GDPD4: variants seen among roughly 807,000 people sequenced by gnomAD.
GDPD4 encodes glycerophosphodiester phosphodiesterase 6.
In GDPD4, 60 loss-of-function variants were observed where a neutral mutation model predicts 67.8. The ratio of observed to expected loss-of-function variants is 0.88; its 90% confidence interval spans 0.72 to 1.10. GDPD4 has a LOEUF of 1.10. Ranked by LOEUF, GDPD4 falls within the 50% of genes least tolerant of loss-of-function variation. GDPD4 has a pLI of 0.00. For missense variants in GDPD4, 623 were observed against 613.9 expected, an observed-to-expected ratio of 1.01 and a Z score of -0.16; for synonymous variants, 212 against 210.9, an observed-to-expected ratio of 1.00 and a Z score of -0.04.
At chr11:77,292,085 C>T (rs999060563) in intron 1 of GDPD4, among the ~76,000 whole-genome samples, 17 of 151,728 alleles carry the variant, frequency 1.1e-4, no homozygotes, top group African/African-American at 3.9e-4. Flanking sequence ...TCTGATCATA[C>T]ACATTTTCAA....
intron 11 of GDPD4, among the ~76,000 whole-genome samples, chr11:77,255,035 T>C (rs948520685): frequency 4.0e-5 from 6 of 150,860 alleles, no homozygotes; most frequent in African/African-American, 1.5e-4. Flanking sequence ...AACCTAAAGA[T>C]AAAGTCTCCA....
In GDPD4 at chr11:77,223,026, T is replaced by C. The variant is rs1042526913; in HGVS notation, c.1525+4838A>G. Among the ~76,000 whole-genome samples the C allele has an allele frequency of 5.5e-4, 83 of 152,226 alleles. 1 individual carries two copies. The highest frequency in any genetic ancestry group is 2.8e-3 in the Admixed American group (43 of 15,280). On this transcript the variant is annotated intron_variant, in intron 16 of 16. Coordinates refer to ENST00000315938, the MANE Select transcript of GDPD4 (RefSeq NM_182833.3). The stretch of plus-strand genomic sequence containing the variant: ...CTTGATCAAATCAGCTACTGAAGCT[T>C]GTGCATGTGTCACGTAGTTCTCATG...
intron 10 of GDPD4, among the ~76,000 whole-genome samples, chr11:77,263,700 T>C (rs1263037347): frequency 6.6e-6 from 1 of 152,228 alleles, no homozygotes; most frequent in Non-Finnish European, 1.5e-5. Flanking sequence ...ATAGTATTAC[T>C]GATTTTTCCT....
intron 10 of GDPD4, among the ~76,000 whole-genome samples, chr11:77,262,047 T>G (rs944947624): frequency 6.6e-6 from 1 of 152,174 alleles, no homozygotes; most frequent in Non-Finnish European, 1.5e-5. Context: ...TACCACAGAT[T>G]CCCCTTAAAT....
intron 16 of GDPD4, among the ~76,000 whole-genome samples, chr11:77,222,257 T>C: frequency 6.6e-6 from 1 of 152,258 alleles, no homozygotes; most frequent in Non-Finnish European, 1.5e-5. Context: ...AATTTAATGC[T>C]GTCATTATGA....
At chr11:77,244,014 C>CTTTGT (rs1015970732) in intron 12 of GDPD4, among the ~76,000 whole-genome samples, 166 bp from the exon 13 acceptor site, 2 of 151,946 alleles carry the variant, frequency 1.3e-5, no homozygotes, top group Non-Finnish European at 2.9e-5. Flanking sequence ...CTAGTATTTT[C>CTTTGT]TTTGTTTTGT....
intron 16 of GDPD4, among the ~76,000 whole-genome samples, chr11:77,225,834 TCTC>T (rs1032956491): frequency 3.3e-5 from 5 of 152,120 alleles, no homozygotes; most frequent in African/African-American, 7.2e-5. Context: ...GAGGCTCCAT[TCTC>T]CTCAACTTTA....
chr11:77,295,849 A>C (rs1027206301), intron 1 of GDPD4, among the ~76,000 whole-genome samples: 2 of 152,164 alleles, frequency 1.3e-5, no homozygotes, highest in Admixed American at 1.3e-4. Context: ...TGGGAGAAAA[A>C]CTGTCCTATA....
chr11:77,269,168 C>A, intron 8 of GDPD4, 99 bp from the exon 9 acceptor site: 11 of 1,003,514 alleles, frequency 1.1e-5, no homozygotes, highest in Non-Finnish European at 1.5e-5. Flanking sequence ...ACCCACAGTC[C>A]ATGGGTTTCA....
chr11:77,265,902 C>A (rs747803671), intron 10 of GDPD4, among the ~76,000 whole-genome samples: 22 of 152,136 alleles, frequency 1.4e-4, no homozygotes, highest in Non-Finnish European at 8.8e-5. Context: ...CAAATGGAAT[C>A]ATACAGTATA....
intron 5 of GDPD4, among the ~76,000 whole-genome samples, chr11:77,272,757 C>T (rs1339022680): frequency 1.3e-5 from 2 of 150,334 alleles, no homozygotes; most frequent in Non-Finnish European, 2.9e-5. Flanking sequence ...GCCTGAGCAA[C>T]GGAGTGAGAC....
At chr11:77,257,394 A>T (rs897936449) in intron 11 of GDPD4, among the ~76,000 whole-genome samples, 1 of 152,148 alleles carries the variant, frequency 6.6e-6, no homozygotes, top group Non-Finnish European at 1.5e-5. Context: ...CCACTTAAAA[A>T]CACTCAAGGA....
chr11:77,243,604 T>C, intron 13 of GDPD4, 90 bp downstream of exon 13: 1 of 1,118,906 alleles, frequency 8.9e-7, no homozygotes, highest in Non-Finnish European at 1.3e-6. Context: ...AATTCCGAGA[T>C]GGAAAGGGGA....
intron 16 of GDPD4, 137 bp downstream of exon 16, chr11:77,227,727 C>T (rs1958370293): frequency 3.0e-6 from 2 of 674,688 alleles, no homozygotes; most frequent in South Asian, 3.3e-5. Context: ...TATACTTCCC[C>T]TGGTCCCTCC....
chr11:77,249,062 C>T (rs1237216316), intron 11 of GDPD4, among the ~76,000 whole-genome samples: 3 of 151,426 alleles, frequency 2.0e-5, no homozygotes, highest in African/African-American at 4.8e-5. Context: ...GTCAAGAGAT[C>T]GAGACCATCC....
In GDPD4 at chr11:77,253,001, G is replaced by A. The variant is rs111832942; in HGVS notation, c.864+5385C>T. 3.3e-3 allele frequency among the ~76,000 whole-genome samples: 509 copies of A among 152,270 alleles called. 1 individual carries two copies. The highest frequency in any genetic ancestry group is 0.011 in the African/African-American group (473 of 41,558). On this transcript the variant is annotated intron_variant, in intron 11 of 16. Coordinates refer to ENST00000315938, the MANE Select transcript of GDPD4 (RefSeq NM_182833.3). Reference sequence around the variant, plus strand: ...CAACTGCCATGGTGCTGGATTCCAGGTGCAAATGTTTACATTGGCAGAGTC... The same window carrying A: ...CAACTGCCATGGTGCTGGATTCCAGATGCAAATGTTTACATTGGCAGAGTC...
chr11:77,227,379 A>T (rs1195321770), intron 16 of GDPD4, among the ~76,000 whole-genome samples: 2 of 152,118 alleles, frequency 1.3e-5, no homozygotes, highest in Non-Finnish European at 2.9e-5. Context: ...GATACCCATA[A>T]AGCACCTTCC....
At position 77,293,057 on chromosome 11, in the gene GDPD4, A is replaced by G. The variant is rs113378918; in HGVS notation, c.-253-5637T>C. 2.4e-3 allele frequency among the ~76,000 whole-genome samples: 362 copies of G among 152,344 alleles called. 1 individual carries two copies. The highest frequency in any genetic ancestry group is 8.0e-3 in the African/African-American group (331 of 41,584). Reference sequence around the variant, plus strand: ...CGGGTTCACTGGTGAATTCTACCAAACATCTATGGAAGAAATAATACCAAT... The same window carrying G: ...CGGGTTCACTGGTGAATTCTACCAAGCATCTATGGAAGAAATAATACCAAT... On this transcript the variant is annotated intron_variant, in intron 1 of 16. Coordinates refer to ENST00000315938, the MANE Select transcript of GDPD4 (RefSeq NM_182833.3).
chr11:77,277,473 G>C (rs1959534063), intron 4 of GDPD4, among the ~76,000 whole-genome samples: 1 of 133,180 alleles, frequency 7.5e-6, no homozygotes, highest in Non-Finnish European at 1.5e-5. Context: ...CTCGATCTCG[G>C]CTCAGTGCAA....
Sources: gnomAD v4.1 joint callset for allele counts (sites outside exome capture counted in the v4.1 genomes callset) on GRCh38, gnomAD v4.1.1 for gene constraint, MANE v1.5 for transcripts, NCBI Gene and HGNC (gene_info 2026-07-23, HGNC 2026-07-21) for gene names.